The following UNC5D variants were observed in gnomAD, a reference collection of about 807,000 sequenced individuals.
UNC5D encodes the protein unc-5 netrin receptor D.
A neutral mutation model predicts 105.4 loss-of-function variants in UNC5D; 39 were observed. The ratio of observed to expected loss-of-function variants is 0.37; its 90% confidence interval spans 0.29 to 0.48. The LOEUF is 0.48. Ranked by LOEUF, UNC5D falls within the 20% of genes least tolerant of loss-of-function variation. The probability of loss-of-function intolerance (pLI) is 0.98; values close to 1 mark genes in which losing one functional copy is unlikely to be tolerated. For missense variants in UNC5D, 991 were observed against 1,202.4 expected (o/e 0.82, Z 2.60); for synonymous variants, 452 against 450.4 (o/e 1.00, Z -0.04).
intron 4 of UNC5D, among the ~76,000 whole-genome samples, chr8:35,644,575 C>T (rs958335272): frequency 6.6e-6 from 1 of 152,142 alleles, no homozygotes; most frequent in Non-Finnish European, 1.5e-5. Context: ...TTTTAAAGAT[C>T]TCTGGGCTGA....
chr8:35,740,450 C>T (rs1484408689), intron 11 of UNC5D, among the ~76,000 whole-genome samples: 4 of 152,120 alleles, frequency 2.6e-5, no homozygotes, highest in African/African-American at 9.7e-5. Context: ...GGAGCACAAG[C>T]CTCCTGACAG....
chr8:35,557,418 G>T (rs1816632450), intron 2 of UNC5D, among the ~76,000 whole-genome samples: 1 of 152,100 alleles, frequency 6.6e-6, no homozygotes, highest in African/African-American at 2.4e-5. Context: ...TTTATTTTTG[G>T]TCAAGATACA....
At chr8:35,414,566 T>G (rs1371975158) in intron 1 of UNC5D, among the ~76,000 whole-genome samples, 1 of 152,128 alleles carries the variant, frequency 6.6e-6, no homozygotes, top group Non-Finnish European at 1.5e-5. Flanking sequence ...CTTTCTTTTA[T>G]TAAAAGGGAT....
intron 1 of UNC5D, among the ~76,000 whole-genome samples, chr8:35,397,340 G>A (rs1162050838): frequency 6.6e-6 from 1 of 152,198 alleles, no homozygotes; most frequent in East Asian, 1.9e-4. Context: ...CAGGCAGAGT[G>A]AGCCATGCTT....
chr8:35,655,798 A>G (rs1823693681), intron 4 of UNC5D, among the ~76,000 whole-genome samples: 1 of 152,124 alleles, frequency 6.6e-6, no homozygotes, highest in Non-Finnish European at 1.5e-5. Context: ...AGAGAGGGAG[A>G]GATGCCCACA....
At chr8:35,667,527 G>T (rs757748522) in intron 4 of UNC5D, among the ~76,000 whole-genome samples, 3 of 152,094 alleles carry the variant, frequency 2.0e-5, no homozygotes, top group Non-Finnish European at 2.9e-5. Flanking sequence ...ACTACAAAGG[G>T]GCCAGGAAAT....
chr8:35,323,201 T>C lies in UNC5D; in HGVS notation c.103+87314T>C, dbSNP rs1427667625. On this transcript the variant is annotated intron_variant, in intron 1 of 16. Coordinates refer to ENST00000404895, the MANE Select transcript of UNC5D (RefSeq NM_080872.4). ...ATTTTTCTTTTTCTTTTTTTTTTTT[T>C]TTTTTTCACATGAATGGAACTCGAA... Among the ~76,000 whole-genome samples the C allele has an allele frequency of 1.5e-4, 20 of 129,142 alleles. 1 individual carries two copies. The highest frequency in any genetic ancestry group is 5.1e-4 in the South Asian group (2 of 3,898). The allele number at this position is 129,142 out of a possible 152,430, so 84.7% of individuals were successfully genotyped here.
chr8:35,507,572 TAGAG>T (rs1375605741), intron 1 of UNC5D, among the ~76,000 whole-genome samples: 3 of 149,178 alleles, frequency 2.0e-5, no homozygotes, highest in Non-Finnish European at 3.0e-5. Context: ...GTCATGGAGA[TAGAG>T]AGCAGAAGGA....
chr8:35,774,340 C>T lies in UNC5D; in HGVS notation c.2520C>T (p.Ser840=). ...TCACTTTCTTCGCACAAGAGGACAGCACTTTCCCTGCACAGACTGGCCCCA... is the reference window on the plus strand; with the variant it reads ...TCACTTTCTTCGCACAAGAGGACAGTACTTTCCCTGCACAGACTGGCCCCA... ...ETITFFAQED[S]TFPAQTGPKA... The change falls in exon 16 of 17, where the codon AGC becomes AGT. Residue 840 remains serine, a synonymous_variant. Transcript: ENST00000404895. The T allele has an allele frequency of 1.9e-6, 3 of 1,614,092 alleles. No homozygotes were observed. Among genetic ancestry groups the T allele is most frequent in the Non-Finnish European group, 2.5e-6 (3 of 1,179,984 alleles).
intron 4 of UNC5D, among the ~76,000 whole-genome samples, chr8:35,609,811 C>A (rs1208741392): frequency 6.6e-6 from 1 of 152,176 alleles, no homozygotes; most frequent in Non-Finnish European, 1.5e-5. Context: ...CTCATGGGGT[C>A]ACCACTGGAA....
intron 1 of UNC5D, among the ~76,000 whole-genome samples, chr8:35,333,544 A>G (rs1810794351): frequency 6.6e-6 from 1 of 152,106 alleles, no homozygotes; most frequent in South Asian, 2.1e-4. Flanking sequence ...CAGTGGCGCA[A>G]TCTTGGCTCA....
At chr8:35,405,035 C>T (rs1804713431) in intron 1 of UNC5D, among the ~76,000 whole-genome samples, 1 of 152,164 alleles carries the variant, frequency 6.6e-6, no homozygotes, top group South Asian at 2.1e-4. Context: ...ACTATTAGTG[C>T]ACATATTTAA....
chr8:35,744,746 C>T (rs1012599370), intron 11 of UNC5D, among the ~76,000 whole-genome samples: 2 of 151,538 alleles, frequency 1.3e-5, no homozygotes, highest in Non-Finnish European at 2.9e-5. Flanking sequence ...ATGACCTAAG[C>T]AGGAAAAAAA....
chr8:35,582,755 TGGTAGTGAATTACAATGA>T (rs909006415), intron 3 of UNC5D, among the ~76,000 whole-genome samples: 24 of 152,160 alleles, frequency 1.6e-4, no homozygotes, highest in Admixed American at 1.5e-3. Flanking sequence ...TCTCCAGGAG[TGGTAGTGAATTACAATGA>T]GGTGGTGAGT....
intron 4 of UNC5D, among the ~76,000 whole-genome samples, chr8:35,674,694 T>A (rs542932251): frequency 6.6e-6 from 1 of 152,168 alleles, no homozygotes; most frequent in South Asian, 2.1e-4. Context: ...CATGTGCGAG[T>A]CTAAAGGCTT....
intron 1 of UNC5D, among the ~76,000 whole-genome samples, chr8:35,288,463 C>T (rs1483786758): frequency 5.3e-5 from 8 of 151,820 alleles, no homozygotes; most frequent in Admixed American, 5.3e-4. Flanking sequence ...ACAGGAATTA[C>T]TAAATGGTTT....
At chr8:35,247,480 G>T (rs1439489606) in intron 1 of UNC5D, among the ~76,000 whole-genome samples, 1 of 135,486 alleles carries the variant, frequency 7.4e-6, no homozygotes, top group Non-Finnish European at 1.5e-5. Flanking sequence ...AATTTGTTCA[G>T]TATGAATCTA....
chr8:35,684,043 G>A (rs1825847156), intron 5 of UNC5D, among the ~76,000 whole-genome samples: 1 of 152,086 alleles, frequency 6.6e-6, no homozygotes, highest in African/African-American at 2.4e-5. Flanking sequence ...GGCAACTTCT[G>A]CTTCCCACGC....
At chr8:35,598,852 G>A (rs538289133) in intron 4 of UNC5D, among the ~76,000 whole-genome samples, 42 of 152,180 alleles carry the variant, frequency 2.8e-4, no homozygotes, top group Admixed American at 1.3e-3. Context: ...ACCTAAAAAA[G>A]CTGAAGTTGG....
Sources: gnomAD v4.1 joint callset for allele counts (sites outside exome capture counted in the v4.1 genomes callset) on GRCh38, gnomAD v4.1.1 for gene constraint, MANE v1.5 for transcripts, NCBI Gene and HGNC (gene_info 2026-07-23, HGNC 2026-07-21) for gene names.